Variants in KRIT1 observed in about 807,000 individuals in gnomAD.
The protein encoded by KRIT1 is krev interaction trapped protein 1.
Under a neutral mutation model 95.8 loss-of-function variants are expected in KRIT1, and 45 were observed. The observed-to-expected ratio is 0.47, with a 90% CI of 0.37 to 0.60. KRIT1 has a LOEUF of 0.60. Ranked by LOEUF, KRIT1 falls within the 20% of genes least tolerant of loss-of-function variation. The pLI is 0.00. For missense variants in KRIT1, 788 were observed against 877.5 expected (o/e 0.90, Z 1.29); for synonymous variants, 282 against 278.8 (o/e 1.01, Z -0.11).
At chr7:92,203,872 C>A (rs1234618462) in intron 17 of KRIT1, 1 of 152,156 alleles carries the variant, frequency 6.6e-6, no homozygotes, top group Non-Finnish European at 1.5e-5. Context: ...GAACTTAGTA[C>A]AAGAGAAATA....
chr7:92,246,061 AG>A, upstream of KRIT1: 1 of 278,780 alleles, frequency 3.6e-6, no homozygotes, highest in Non-Finnish European at 6.9e-6. Flanking sequence ...CTAGGAGACT[AG>A]GGTGGTGGCG....
At chr7:92,218,936 CTT>C (rs1483947654) in intron 14 of KRIT1, among the ~76,000 whole-genome samples, 3 of 152,042 alleles carry the variant, frequency 2.0e-5, no homozygotes, top group African/African-American at 7.2e-5. Context: ...AGATTTATCC[CTT>C]TGTTTTCTTC....
chr7:92,222,109 G>A, intron 13 of KRIT1, 56 bp from the exon 14 acceptor site: 1 of 1,324,174 alleles, frequency 7.6e-7, no homozygotes, highest in Non-Finnish European at 1.1e-6. Context: ...TTATATCAAT[G>A]CATAGAAACT....
At position 92,244,069 on chromosome 7, in the gene KRIT1, T is replaced by C. The variant is rs1800295264; in HGVS notation, c.-70A>G. ...CCTTTTTCTTCTCAGAATTTCTATT[T>C]AGCAATTACTTTTCACCACAGATTA... On this transcript the variant is annotated 5_prime_UTR_variant, in exon 3 of 19. Transcript: ENST00000394505. 6.6e-6 allele frequency: 1 copy of C among 152,182 alleles called. No individual in the cohort carries two copies. Among genetic ancestry groups the C allele is most frequent in the South Asian group, 2.1e-4 (1 of 4,832 alleles). The allele number at this position is 152,182 out of a possible 1,614,324, so 9.4% of individuals were successfully genotyped here.
chr7:92,223,064 TTATTATAGATTTC>T, intron 12 of KRIT1, 86 bp from the exon 13 acceptor site: 1 of 801,158 alleles, frequency 1.2e-6, no homozygotes, highest in South Asian at 1.5e-5. Flanking sequence ...TTCATGTGCT[TTATTATAGATTTC>T]TAACATGAAA....
At chr7:92,220,597 A>G (rs1794923570) in intron 14 of KRIT1, among the ~76,000 whole-genome samples, 1 of 152,128 alleles carries the variant, frequency 6.6e-6, no homozygotes, top group South Asian at 2.1e-4. Context: ...TTTCTTCACT[A>G]ACATTGTAAG....
chr7:92,225,846 A>AG lies in KRIT1; in HGVS notation c.1147-20dup. Reference sequence around the variant, plus strand: ...TTATATGCTAGAAATGTGGGTGGGGAGGGGGAAAAAAGGCATTACATATTA... The same window carrying AG: ...TTATATGCTAGAAATGTGGGTGGGGAGGGGGGAAAAAAGGCATTACATATTA... On this transcript the variant is annotated intron_variant, in intron 11 of 18. Coordinates refer to ENST00000394505, the MANE Select transcript of KRIT1 (RefSeq NM_194454.3). 7.4e-7 allele frequency: 1 copy of AG among 1,354,894 alleles called. No homozygotes were observed. Among genetic ancestry groups the AG allele is most frequent in the East Asian group, 2.3e-5 (1 of 43,658 alleles). 83.9% of individuals were successfully genotyped at this position (1,354,894 alleles called of 1,614,324 possible).
At chr7:92,217,922 T>C (rs560513845) in intron 14 of KRIT1, among the ~76,000 whole-genome samples, 20 of 152,310 alleles carry the variant, frequency 1.3e-4, no homozygotes, top group African/African-American at 4.8e-4. Flanking sequence ...GCTCATTATT[T>C]TCTGTTTTGT....
Position 92,237,728 on chromosome 7 carries a change from A to G in KRIT1, c.294T>C (p.Pro98=). The G allele has an allele frequency of 6.2e-7, 1 of 1,607,762 alleles. No individual in the cohort carries two copies. The highest frequency in any genetic ancestry group is 8.5e-7 in the Non-Finnish European group (1 of 1,174,576). The part of the protein sequence containing the change: ...GKRVVLMKKF[P]LDGEKMGREA... ...CTCTGCCCATCTTCTCTCCATCCAG[A>G]GGAAATTTTTTCATTAGTACAACTC... The change falls in exon 6 of 19, where the codon CCT becomes CCC. Residue 98 remains proline, a synonymous_variant. Coordinates refer to ENST00000394505, the MANE Select transcript of KRIT1 (RefSeq NM_194454.3).
At chr7:92,216,834 G>C (rs1794097657) in intron 14 of KRIT1, among the ~76,000 whole-genome samples, 1 of 152,130 alleles carries the variant, frequency 6.6e-6, no homozygotes, top group South Asian at 2.1e-4. Context: ...TATATTTGAA[G>C]AATATGAGTA....
intron 14 of KRIT1, among the ~76,000 whole-genome samples, chr7:92,214,991 G>T (rs1793656547): frequency 6.6e-6 from 1 of 152,060 alleles, no homozygotes; most frequent in African/African-American, 2.4e-5. Flanking sequence ...ATCAACTCTG[G>T]CACTGTAGCA....
chr7:92,225,658 C>T, intron 12 of KRIT1, 62 bp downstream of exon 12: 1 of 982,258 alleles, frequency 1.0e-6, no homozygotes, highest in Non-Finnish European at 1.6e-6. Context: ...CACAGATCCT[C>T]AAATTTAAAT....
intron 10 of KRIT1, among the ~76,000 whole-genome samples, chr7:92,232,716 T>C (rs1383963258): frequency 5.9e-5 from 9 of 152,096 alleles, no homozygotes; most frequent in South Asian, 2.1e-4. Flanking sequence ...TTTTTTGAGA[T>C]GGAGTCTCAC....
chr7:92,241,693 A>C (rs1799684269), intron 4 of KRIT1, among the ~76,000 whole-genome samples: 1 of 152,238 alleles, frequency 6.6e-6, no homozygotes, highest in Non-Finnish European at 1.5e-5. Flanking sequence ...AGTTATTTGG[A>C]AAAATAACCA....
Position 92,199,884 on chromosome 7 carries a change from G to T in KRIT1, c.*852C>A, listed in dbSNP as rs567459372. The T allele has an allele frequency of 6.6e-6, 1 of 152,230 alleles. No individual in the cohort carries two copies. The highest frequency in any genetic ancestry group is 6.5e-5 in the Admixed American group (1 of 15,280). 9.4% of individuals were successfully genotyped at this position (152,230 alleles called of 1,614,324 possible). A position where few individuals can be genotyped will look rare whatever the true frequency, so the allele number is the denominator to read the frequency against. ...AGGCATCTAGGTAATTATGATGCAA[G>T]GAGTTCATGAACTATACTTTGAGAA... is the stretch of plus-strand genomic sequence containing the variant. On this transcript the variant is annotated 3_prime_UTR_variant, in exon 19 of 19. Transcript: ENST00000394505.
intron 5 of KRIT1, among the ~76,000 whole-genome samples, 176 bp from the exon 6 acceptor site, chr7:92,237,935 G>A (rs573232176): frequency 1.3e-5 from 2 of 152,184 alleles, no homozygotes; most frequent in African/African-American, 4.8e-5. Context: ...ATCATTCTGT[G>A]GACAATCCTT....
In KRIT1 at chr7:92,234,386, G is replaced by C. The variant is rs2027950; in HGVS notation, c.989+63C>G. The C allele has an allele frequency of 0.5, 615,463 of 1,220,738 alleles. 159,180 individuals carry two copies. The highest frequency in any genetic ancestry group is 0.77 in the African/African-American group (50,524 of 65,776). 75.6% of individuals were successfully genotyped at this position (1,220,738 alleles called of 1,614,324 possible). On this transcript the variant is annotated intron_variant, in intron 10 of 18. Transcript: ENST00000394505. ...GAATGAGAACAGTCTTGAAAAGAAG[G>C]ACTAACATTTATAATAAAAAATGTA...
At chr7:92,220,204 T>C (rs1279224078) in intron 14 of KRIT1, among the ~76,000 whole-genome samples, 2 of 152,210 alleles carry the variant, frequency 1.3e-5, no homozygotes, top group African/African-American at 2.4e-5. Flanking sequence ...TCGCTTGTAT[T>C]CCTAGTTTTC....
At position 92,213,262 on chromosome 7, in the gene KRIT1, T is replaced by C; in HGVS notation, c.1958A>G (p.His653Arg). 3.1e-6 allele frequency: 5 copies of C among 1,613,698 alleles called. No homozygotes were observed. The highest frequency in any genetic ancestry group is 1.1e-5 in the South Asian group (1 of 91,076). ...TCCTACATACACAGGGATGACTTTA[T>C]GATTGCTGGGGCTTGCCTTTGTAAA... is the stretch of plus-strand genomic sequence containing the variant. ...QIFTKASPSN[H>R]KVIPVYVGVN... Residue 653 changes from histidine (H) to arginine (R), a missense_variant, in exon 17 of 19, where the codon CAT becomes CGT. His to Arg is a conservative substitution (Grantham distance 29). Transcript: ENST00000394505.
Sources: allele counts gnomAD v4.1 joint callset (sites outside exome capture counted in the v4.1 genomes callset), GRCh38; gene constraint gnomAD v4.1.1; transcripts MANE v1.5; gene names NCBI Gene and HGNC (gene_info 2026-07-23, HGNC 2026-07-21).